Variants in STRADA observed in about 807,000 individuals in gnomAD.
STRADA encodes the protein STE20-related kinase adapter protein alpha.
A neutral mutation model predicts 55.0 loss-of-function variants in STRADA; 26 were observed. The ratio of observed to expected loss-of-function variants is 0.47; its 90% CI spans 0.35 to 0.66. STRADA has a LOEUF of 0.66. STRADA is among the 30% of genes least tolerant of loss of function. The probability of loss-of-function intolerance (pLI) is 0.01; values close to 1 mark genes in which losing one functional copy is unlikely to be tolerated. For missense variants in STRADA, 443 were observed against 549.7 expected (o/e 0.81, Z 1.94); for synonymous variants, 197 against 210.9 (o/e 0.93, Z 0.57).
At chr17:63,707,216 T>C in intron 9 of STRADA, 31 bp downstream of exon 9, 2 of 1,610,956 alleles carry the variant, frequency 1.2e-6, no homozygotes, top group Middle Eastern at 1.7e-4. Flanking sequence ...ATGAGTTGGG[T>C]AGGGGAGCTC....
chr17:63,704,516 C>T lies in STRADA; in HGVS notation c.925G>A (p.Glu309Lys). The T allele has an allele frequency of 6.2e-7, 1 of 1,604,392 alleles. No homozygotes were observed. The highest frequency in any genetic ancestry group is 8.5e-7 in the Non-Finnish European group (1 of 1,174,724). Residue 309 changes from glutamate to lysine, a missense_variant, in exon 11 of 13, where the codon GAG becomes AAG. Glu to Lys is a moderately conservative substitution (Grantham distance 56). Transcript: ENST00000336174. Reference sequence around the variant, plus strand: ...GAGCGCGAAGGGCTCATGGTCAGCTCCTCAGCGGGGATGGTGCTGGTATCC... The same window carrying T: ...GAGCGCGAAGGGCTCATGGTCAGCTTCTCAGCGGGGATGGTGCTGGTATCC... ...LLDTSTIPAE[E>K]LTMSPSRSVA... is the part of the protein sequence containing the mutation.
At position 63,713,536 on chromosome 17, in the gene STRADA, A is replaced by C; in HGVS notation, c.227-9T>G. The C allele has an allele frequency of 6.2e-7, 1 of 1,613,026 alleles. No individual in the cohort carries two copies. The highest frequency in any genetic ancestry group is 1.1e-5 in the South Asian group (1 of 90,516). ...GTCCTCAAATCCTTTGCCTAAAAGA[A>C]AAAGGGAATGCCATACGCAAGGACA... is the stretch of plus-strand genomic sequence containing the variant. On this transcript the variant is annotated splice_polypyrimidine_tract_variant and intron_variant, in intron 5 of 12. Coordinates refer to ENST00000336174, the MANE Select transcript of STRADA (RefSeq NM_001003787.4).
At chr17:63,724,066 A>G (rs1055852241) in intron 3 of STRADA, 1 of 152,350 alleles carries the variant, frequency 6.6e-6, no homozygotes, top group Non-Finnish European at 1.5e-5. Flanking sequence ...AAATTATACA[A>G]TTCTAAATAC....
intron 12 of STRADA, 116 bp downstream of exon 12, chr17:63,703,889 G>C: frequency 6.2e-7 from 1 of 1,608,884 alleles, no homozygotes; most frequent in Non-Finnish European, 8.5e-7. Context: ...GTCTTTCAGG[G>C]GCTTCGGAAG....
rs777619656 is a variant in STRADA at position 63,714,098 on chromosome 17, G to A, written c.134C>T (p.Ala45Val). ...PGDTRRKTND[A>V]SSESIASFSK... ...GAAGGATGCTATTGACTCTGAGCTC[G>A]CATCATTGGTCTAAAAAAGAAAAAG... Residue 45 changes from alanine (A) to valine (V), a missense_variant, in exon 5 of 13, where the codon GCG (alanine) becomes GTG (valine). Coordinates refer to ENST00000336174, the MANE Select transcript of STRADA (RefSeq NM_001003787.4). 4.9e-5 allele frequency: 79 copies of A among 1,612,730 alleles called. No homozygotes were observed. The South Asian group carries it at 7.7e-4, about 16-fold the overall frequency.
In STRADA at chr17:63,707,208, G is replaced by A. The variant is rs754230273; in HGVS notation, c.753+39C>T. On this transcript the variant is annotated intron_variant, in intron 9 of 12. Coordinates refer to ENST00000336174, the MANE Select transcript of STRADA (RefSeq NM_001003787.4). ...GCCTGAAGGCTCCCTTGGGAATCAT[G>A]AGTTGGGTAGGGGAGCTCCTCTGGG... 3.1e-6 allele frequency: 5 copies of A among 1,606,690 alleles called. No homozygotes were observed. In the East Asian group the frequency reaches 1.1e-4, roughly 36 times the overall value.
chr17:63,738,423 A>G (rs2038615747), intron 1 of STRADA, among the ~76,000 whole-genome samples: 1 of 151,924 alleles, frequency 6.6e-6, no homozygotes, highest in African/African-American at 2.4e-5. Flanking sequence ...GTGGTGTGAG[A>G]TTCAGCATGA....
At chr17:63,706,772 C>A in intron 9 of STRADA, 33 bp from the exon 10 acceptor site, 6 of 1,550,132 alleles carry the variant, frequency 3.9e-6, no homozygotes, top group African/African-American at 1.4e-5. Context: ...CAGATTACCC[C>A]ATTTGGTCTT....
chr17:63,705,903 G>C (rs561444421), intron 10 of STRADA: 32 of 152,030 alleles, frequency 2.1e-4, no homozygotes, highest in Admixed American at 4.6e-4. Flanking sequence ...CCCTGCTCTG[G>C]GGGGCTGCAC....
intron 4 of STRADA, among the ~76,000 whole-genome samples, chr17:63,717,934 A>AATT (rs1240233773): frequency 6.6e-6 from 1 of 150,632 alleles, no homozygotes; most frequent in Non-Finnish European, 1.5e-5. Flanking sequence ...AATTTTTAAA[A>AATT]ATTATTATTA....
At chr17:63,721,382 AAAAT>A (rs1026184062) in intron 4 of STRADA, among the ~76,000 whole-genome samples, 2 of 141,934 alleles carry the variant, frequency 1.4e-5, no homozygotes, top group African/African-American at 5.5e-5. Context: ...AAGAAAAAAT[AAAAT>A]AAAAAAAAAT....
intron 8 of STRADA, 175 bp downstream of exon 8, chr17:63,710,316 G>A (rs1656583925): frequency 6.5e-6 from 7 of 1,081,776 alleles, no homozygotes; most frequent in Non-Finnish European, 7.7e-6. Context: ...GATTACAGGC[G>A]TGAGCCATCG....
At chr17:63,712,530 T>C (rs1285773589) in intron 6 of STRADA, 1 of 152,152 alleles carries the variant, frequency 6.6e-6, no homozygotes, top group Non-Finnish European at 1.5e-5. Context: ...CTGGGCAAGA[T>C]GGTGAAACTC....
At chr17:63,707,157 G>A in intron 9 of STRADA, 90 bp downstream of exon 9, 1 of 1,542,978 alleles carries the variant, frequency 6.5e-7, no homozygotes, top group Non-Finnish European at 8.8e-7. Flanking sequence ...CCACTGGGAG[G>A]TTGAGAGCCC....
intron 4 of STRADA, chr17:63,718,668 G>C (rs928737063): frequency 6.6e-5 from 10 of 152,120 alleles, no homozygotes; most frequent in African/African-American, 2.4e-4. Context: ...CGCCTGACTT[G>C]AACAATATTC....
intron 3 of STRADA, among the ~76,000 whole-genome samples, chr17:63,724,401 C>T (rs2052145783): frequency 1.3e-5 from 2 of 151,576 alleles, no homozygotes; most frequent in Admixed American, 1.3e-4. Context: ...CCTCAGTCTT[C>T]CAAAATGCTG....
At chr17:63,728,673 C>T (rs988695644) in intron 1 of STRADA, among the ~76,000 whole-genome samples, 7 of 143,254 alleles carry the variant, frequency 4.9e-5, no homozygotes, top group Admixed American at 3.7e-4. Context: ...CCGAGGCGGG[C>T]GGATCACCTG....
intron 8 of STRADA, among the ~76,000 whole-genome samples, chr17:63,710,197 C>A (rs139077975): frequency 5.9e-5 from 9 of 152,102 alleles, no homozygotes; most frequent in Non-Finnish European, 1.2e-4. Flanking sequence ...TGCCACCACA[C>A]CCGGCTAATT....
chr17:63,721,510 G>A (rs1196169543), intron 4 of STRADA, among the ~76,000 whole-genome samples: 1 of 151,456 alleles, frequency 6.6e-6, no homozygotes, highest in Non-Finnish European at 1.5e-5. Context: ...CTTGAGGTCA[G>A]GGGTTCGAGA....
Sources: gnomAD v4.1 joint callset for allele counts (sites outside exome capture counted in the v4.1 genomes callset) on GRCh38, gnomAD v4.1.1 for gene constraint, MANE v1.5 for transcripts, NCBI Gene and HGNC (gene_info 2026-07-23, HGNC 2026-07-21) for gene names.